PPEF1: variants seen among roughly 807,000 people sequenced by gnomAD.
The protein encoded by PPEF1 is serine/threonine-protein phosphatase with EF-hands 1.
Under a neutral mutation model 53.3 loss-of-function variants are expected in PPEF1, and 12 were observed. The ratio of observed to expected loss-of-function variants is 0.23; its 90% CI spans 0.14 to 0.36. PPEF1 has a LOEUF of 0.36. Among genes scored for constraint, PPEF1 ranks in the 10% least tolerant of loss-of-function variants. The pLI, the probability that PPEF1 is intolerant of heterozygous loss-of-function variation, is 1.00. For missense variants in PPEF1, 334 were observed against 490.4 expected, an observed-to-expected ratio of 0.68 and a Z score of 3.01; for synonymous variants, 165 against 176.7, an observed-to-expected ratio of 0.93 and a Z score of 0.52.
intron 7 of PPEF1, among the ~76,000 whole-genome samples, chrX:18,779,866 T>C (rs771085248): frequency 2.7e-5 from 3 of 111,929 alleles, no homozygotes; most frequent in Non-Finnish European, 5.6e-5. Flanking sequence ...TGTCTCATGC[T>C]TTTGGTCCTG....
At chrX:18,771,447 T>C (rs2045868303) in intron 6 of PPEF1, among the ~76,000 whole-genome samples, 1 of 111,932 alleles carries the variant, frequency 8.9e-6, no homozygotes, top group African/African-American at 3.2e-5. Context: ...AAGATGATAA[T>C]TTTTAATTTC....
At position 18,806,424 on chromosome X, in the gene PPEF1, T is replaced by C; in HGVS notation, c.1273T>C (p.Ser425Pro). ...DGKVVTIFSASNYYEEGSNRG... is the reference protein window; with the variant it reads ...DGKVVTIFSAPNYYEEGSNRG... Reference sequence around the variant, plus strand: ...CCAGGTGGTGACTATATTTTCTGCTTCTAATTATTATGAAGAAGGCAGCAA... The same window carrying C: ...CCAGGTGGTGACTATATTTTCTGCTCCTAATTATTATGAAGAAGGCAGCAA... Residue 425 changes from serine (S) to proline (P), a missense_variant, in exon 12 of 16, where the codon TCT becomes CCT. Ser to Pro is a moderately conservative substitution (Grantham distance 74). Coordinates refer to ENST00000470157, the MANE Select transcript of PPEF1 (RefSeq NM_001377996.1). 2 of 1,208,158 alleles carry C rather than the reference T, an allele frequency of 1.7e-6. No homozygotes were observed. Among genetic ancestry groups the C allele is most frequent in the Non-Finnish European group, 2.2e-6 (2 of 892,913 alleles).
intron 1 of PPEF1, among the ~76,000 whole-genome samples, chrX:18,717,862 C>T (rs758021304): frequency 1.4e-4 from 16 of 111,936 alleles, no homozygotes; most frequent in Non-Finnish European, 2.8e-4. Flanking sequence ...GCTTTGACAT[C>T]AGTGTGTCAA....
Position 18,817,068 on chromosome X carries a change from ATG to A in PPEF1, c.1395-935_1395-934del, listed in dbSNP as rs72334387. 1.8e-3 allele frequency among the ~76,000 whole-genome samples: 177 copies of A among 99,892 alleles called. 1 individual carries two copies. The highest frequency in any genetic ancestry group is 0.01 in the Middle Eastern group (2 of 199). The allele number at this position is 99,892 out of a possible 115,157, so 86.7% of individuals were successfully genotyped here. A position where few individuals can be genotyped will look rare whatever the true frequency, so the allele number is the denominator to read the frequency against. The stretch of plus-strand genomic sequence containing the variant: ...CTGGATTTACATCTATCATTTTGCC[ATG>A]TGTGTGTGTGTGTGTGTGTGTGTGT... On this transcript the variant is annotated intron_variant, in intron 12 of 15. Coordinates refer to ENST00000470157, the MANE Select transcript of PPEF1 (RefSeq NM_001377996.1).
intron 6 of PPEF1, among the ~76,000 whole-genome samples, chrX:18,771,475 G>A (rs1455876604): frequency 9.0e-6 from 1 of 111,425 alleles, no homozygotes; most frequent in Non-Finnish European, 1.9e-5. Context: ...CTTAATTCAA[G>A]GAGCCAGACT....
intron 1 of PPEF1, among the ~76,000 whole-genome samples, chrX:18,728,003 T>G (rs1289635853): frequency 9.0e-6 from 1 of 111,116 alleles, no homozygotes; most frequent in Non-Finnish European, 1.9e-5. Flanking sequence ...TTTCTTCCCC[T>G]AGGGCATAGA....
intron 6 of PPEF1, among the ~76,000 whole-genome samples, chrX:18,767,629 T>A (rs2045803428): frequency 8.9e-6 from 1 of 112,420 alleles, no homozygotes; most frequent in Admixed American, 9.4e-5. Flanking sequence ...TTAAAGGCAT[T>A]TTAGCTTTCA....
At chrX:18,778,575 G>T (rs1286998936) in intron 6 of PPEF1, among the ~76,000 whole-genome samples, 1 of 110,979 alleles carries the variant, frequency 9.0e-6, no homozygotes, top group Non-Finnish European at 1.9e-5. Context: ...CAAATTGGGG[G>T]AATCACAGCC....
intron 10 of PPEF1, among the ~76,000 whole-genome samples, chrX:18,794,674 G>T (rs910778542): frequency 5.3e-5 from 6 of 112,739 alleles, no homozygotes; most frequent in Non-Finnish European, 1.1e-4. Flanking sequence ...CAATGAGCGG[G>T]AGAAGTGACC....
chrX:18,694,174 G>A (rs1168319076), intron 4 of PPEF1, among the ~76,000 whole-genome samples: 3 of 111,769 alleles, frequency 2.7e-5, no homozygotes, highest in African/African-American at 6.5e-5. Context: ...TCATTGTATG[G>A]ATGTCCCACA....
At chrX:18,826,808 T>C (rs747800939) in intron 15 of PPEF1, among the ~76,000 whole-genome samples, 6 of 108,631 alleles carry the variant, frequency 5.5e-5, no homozygotes, top group Admixed American at 5.0e-4. Flanking sequence ...CAGAGACCTT[T>C]GAACACCGAA....
At chrX:18,682,628 A>G (rs1366624804), upstream of PPEF1, among the ~76,000 whole-genome samples, 1 of 111,296 alleles carries the variant, frequency 9.0e-6, no homozygotes, top group Admixed American at 9.6e-5. Flanking sequence ...TGAGGAAACC[A>G]TTCCTAGCTT....
In PPEF1 at chrX:18,824,915, C is replaced by T. The variant is rs770241267; in HGVS notation, c.1665+829C>T. ...TTGACCTCAAGTGATCTGCCCACCTCGGCCTCCCAAAGTGCTGGGATTACA... is the reference window on the plus strand; with the variant it reads ...TTGACCTCAAGTGATCTGCCCACCTTGGCCTCCCAAAGTGCTGGGATTACA... On this transcript the variant is annotated intron_variant, in intron 14 of 15. Coordinates refer to ENST00000470157, the MANE Select transcript of PPEF1 (RefSeq NM_001377996.1). 5.5e-4 allele frequency among the ~76,000 whole-genome samples: 61 copies of T among 111,429 alleles called. No individual in the cohort carries two copies. In the Middle Eastern group the frequency reaches 0.014, roughly 25 times the overall value.
At chrX:18,710,444 C>T (rs931579192) in intron 1 of PPEF1, among the ~76,000 whole-genome samples, 2 of 110,937 alleles carry the variant, frequency 1.8e-5, no homozygotes, top group Non-Finnish European at 3.8e-5. Flanking sequence ...TTTTTGCTCA[C>T]GTCTTACTTT....
upstream of PPEF1, among the ~76,000 whole-genome samples, chrX:18,680,621 TTTATTA>T (rs1329154278): frequency 9.2e-6 from 1 of 108,712 alleles, no homozygotes; most frequent in East Asian, 2.8e-4. Flanking sequence ...ATTTTTAAAT[TTTATTA>T]TTATTATACT....
At chrX:18,706,399 C>T (rs1057281270), upstream of PPEF1, among the ~76,000 whole-genome samples, 3 of 109,830 alleles carry the variant, frequency 2.7e-5, no homozygotes, top group African/African-American at 1.0e-4. Flanking sequence ...GACTATAGAA[C>T]ACAAAGTTAG....
intron 12 of PPEF1, among the ~76,000 whole-genome samples, chrX:18,813,645 A>C (rs1209429994): frequency 9.0e-6 from 1 of 111,246 alleles, no homozygotes; most frequent in Non-Finnish European, 1.9e-5. Context: ...TCTGATCTTA[A>C]GGGAATGCAT....
At chrX:18,744,760 GCTA>G (rs1449345167) in intron 3 of PPEF1, among the ~76,000 whole-genome samples, 1 of 109,448 alleles carries the variant, frequency 9.1e-6, no homozygotes, top group Non-Finnish European at 1.9e-5. Context: ...CTTATATTGT[GCTA>G]CTATTAAGTA....
chrX:18,742,200 AATTG>A (rs1273169341), intron 3 of PPEF1, among the ~76,000 whole-genome samples: 1 of 111,730 alleles, frequency 9.0e-6, no homozygotes, highest in African/African-American at 3.3e-5. Context: ...AATATACCAT[AATTG>A]ATCCATTCGA....
Sources: gnomAD v4.1 joint callset for allele counts (sites outside exome capture counted in the v4.1 genomes callset) on GRCh38, gnomAD v4.1.1 for gene constraint, MANE v1.5 for transcripts, NCBI Gene and HGNC (gene_info 2026-07-23, HGNC 2026-07-21) for gene names.